CCDC15: variants seen among roughly 807,000 people sequenced by gnomAD.
CCDC15 encodes coiled-coil domain containing 15, also known as coiled-coil domain-containing protein 15.
Under a neutral mutation model 114.5 loss-of-function variants are expected in CCDC15, and 105 were observed. That is an observed-to-expected ratio of 0.92 (90% CI 0.78 to 1.08). The LOEUF (loss-of-function observed/expected upper bound fraction) is 1.08, where lower values mean the gene tolerates loss of function less well. CCDC15 is among the 50% of genes least tolerant of loss of function. The pLI is 0.00. For synonymous variants in CCDC15, 334 were observed against 377.8 expected (o/e 0.88, Z 1.34); for missense variants, 1,105 against 1,093.6 (o/e 1.01, Z -0.15).
Position 125,010,093 on chromosome 11 carries a change from C to T in CCDC15, c.2411+4881C>T, listed in dbSNP as rs141811449. ...TTCCACAGTGGCTGAACTAACAAACCGCTTTCCACAGTGGCTGAACTAATT... is the reference window on the plus strand; with the variant it reads ...TTCCACAGTGGCTGAACTAACAAACTGCTTTCCACAGTGGCTGAACTAATT... On this transcript the variant is annotated intron_variant, in intron 13 of 15. Coordinates refer to ENST00000344762, the MANE Select transcript of CCDC15 (RefSeq NM_025004.3). Among the ~76,000 whole-genome samples the T allele has an allele frequency of 4.1e-4, 62 of 152,250 alleles. 1 individual carries two copies. The East Asian group carries it at 8.1e-3, about 20-fold the overall frequency.
intron 4 of CCDC15, among the ~76,000 whole-genome samples, chr11:124,968,718 A>G (rs1384229086): frequency 7.0e-6 from 1 of 142,914 alleles, no homozygotes; most frequent in Non-Finnish European, 1.5e-5. Flanking sequence ...AAATGCAGAA[A>G]TCTACCTGTC....
chr11:124,968,257 G>A lies in CCDC15; in HGVS notation c.517-6839G>A, dbSNP rs573655862. Among the ~76,000 whole-genome samples, 11 of 152,318 alleles carry A rather than the reference G, an allele frequency of 7.2e-5. No homozygotes were observed. In the South Asian group the frequency reaches 2.1e-3, roughly 29 times the overall value. ...TTTTGTTCAGCTATGCCCTGACCCT[G>A]GAGGTGGAGTCTACAGAGGCAGACA... On this transcript the variant is annotated intron_variant, in intron 4 of 15. Coordinates refer to ENST00000344762, the MANE Select transcript of CCDC15 (RefSeq NM_025004.3).
chr11:125,034,608 C>A (rs546138656), intron 13 of CCDC15, among the ~76,000 whole-genome samples: 3 of 152,280 alleles, frequency 2.0e-5, no homozygotes, highest in Non-Finnish European at 4.4e-5. Flanking sequence ...TTCCTTGGTT[C>A]TCCACATATG....
At chr11:124,990,669 G>T (rs888983050) in intron 8 of CCDC15, among the ~76,000 whole-genome samples, 1 of 152,118 alleles carries the variant, frequency 6.6e-6, no homozygotes, top group Non-Finnish European at 1.5e-5. Context: ...ACAATTTGCT[G>T]TTTCTTTTCT....
chr11:124,995,616 A>G (rs936117931), intron 11 of CCDC15, among the ~76,000 whole-genome samples: 2 of 152,174 alleles, frequency 1.3e-5, no homozygotes, highest in Admixed American at 6.5e-5. Context: ...CACGACACTC[A>G]AATTTCAGAC....
intron 11 of CCDC15, among the ~76,000 whole-genome samples, chr11:125,002,682 T>G (rs1463095615): frequency 1.3e-5 from 2 of 152,158 alleles, no homozygotes; most frequent in Non-Finnish European, 2.9e-5. Context: ...GTCTTGGCAC[T>G]CTTATTGAAA....
chr11:124,964,547 C>A (rs940456397), intron 4 of CCDC15, among the ~76,000 whole-genome samples: 1 of 152,106 alleles, frequency 6.6e-6, no homozygotes, highest in Non-Finnish European at 1.5e-5. Context: ...TGGGCTGAGT[C>A]GATGGGGTTT....
chr11:125,011,134 A>G (rs1035570138), intron 13 of CCDC15, among the ~76,000 whole-genome samples: 30 of 151,910 alleles, frequency 2.0e-4, no homozygotes, highest in African/African-American at 6.5e-4. Context: ...AAAAAAATAA[A>G]CCTTTTAATT....
chr11:124,997,220 T>TA (rs34738309), intron 11 of CCDC15, among the ~76,000 whole-genome samples: 1 of 152,144 alleles, frequency 6.6e-6, no homozygotes, highest in African/African-American at 2.4e-5. Flanking sequence ...TGGAAATGGC[T>TA]AAAAAAATGG....
chr11:124,993,946 T>G (rs1948314686), intron 11 of CCDC15, among the ~76,000 whole-genome samples: 1 of 152,206 alleles, frequency 6.6e-6, no homozygotes, highest in Non-Finnish European at 1.5e-5. Context: ...ATCCTTGGAT[T>G]ATAGATGAAA....
intron 13 of CCDC15, among the ~76,000 whole-genome samples, chr11:125,034,916 TATATATAAA>T (rs1948766019): frequency 2.6e-5 from 4 of 152,138 alleles, no homozygotes; most frequent in Non-Finnish European, 1.5e-5. Flanking sequence ...CATAGTTATA[TATATATAAA>T]CTCTCATATA....
chr11:124,999,425 C>T (rs1948433593), intron 11 of CCDC15, among the ~76,000 whole-genome samples: 1 of 151,958 alleles, frequency 6.6e-6, no homozygotes, highest in African/African-American at 2.4e-5. Flanking sequence ...GATATTGTCC[C>T]ACAGATGCAT....
chr11:124,959,740 AC>A, intron 3 of CCDC15, 74 bp from the exon 4 acceptor site: 1 of 1,058,354 alleles, frequency 9.4e-7, no homozygotes, highest in Non-Finnish European at 1.3e-6. Flanking sequence ...AATCTTCTGA[AC>A]TGCTTTAGAG....
At chr11:124,955,200 C>T (rs1947528087) in intron 2 of CCDC15, among the ~76,000 whole-genome samples, 1 of 152,168 alleles carries the variant, frequency 6.6e-6, no homozygotes, top group Non-Finnish European at 1.5e-5. Context: ...ACTTCAGACT[C>T]TTGATTGCTT....
At chr11:125,002,513 A>G (rs1472418449) in intron 11 of CCDC15, among the ~76,000 whole-genome samples, 1 of 152,070 alleles carries the variant, frequency 6.6e-6, no homozygotes, top group Non-Finnish European at 1.5e-5. Context: ...GCGTTCCTCT[A>G]AGTCTTATAG....
chr11:124,975,066 T>G, intron 4 of CCDC15, 30 bp from the exon 5 acceptor site: 3 of 1,405,302 alleles, frequency 2.1e-6, no homozygotes, highest in Non-Finnish European at 2.9e-6. Context: ...ATCCTGCTTT[T>G]GTTTGCTTTC....
chr11:125,020,361 C>G (rs1948653665), intron 13 of CCDC15, among the ~76,000 whole-genome samples: 1 of 151,892 alleles, frequency 6.6e-6, no homozygotes, highest in South Asian at 2.1e-4. Context: ...GGTTCTAGGT[C>G]TCTTAACTTT....
chr11:124,982,837 C>G (rs1160039747), intron 6 of CCDC15, among the ~76,000 whole-genome samples: 2 of 152,118 alleles, frequency 1.3e-5, no homozygotes, highest in Non-Finnish European at 2.9e-5. Flanking sequence ...ATGTTGGCCT[C>G]TCTAGCCAGG....
chr11:125,025,054 G>GAATATATATATT, intron 13 of CCDC15, among the ~76,000 whole-genome samples: 1 of 127,290 alleles, frequency 7.9e-6, no homozygotes, highest in African/African-American at 3.4e-5. Context: ...GAATATATAT[G>GAATATATATATT]AATATATATA....
Sources: gnomAD v4.1 joint callset for allele counts (sites outside exome capture counted in the v4.1 genomes callset) on GRCh38, gnomAD v4.1.1 for gene constraint, MANE v1.5 for transcripts, NCBI Gene and HGNC (gene_info 2026-07-23, HGNC 2026-07-21) for gene names.